Variants in CAMTA1 observed in about 807,000 individuals in gnomAD.
The protein encoded by CAMTA1 is calmodulin-binding transcription activator 1.
In CAMTA1, 27 loss-of-function variants were observed where a neutral mutation model predicts 170.9. The ratio of observed to expected loss-of-function variants is 0.16; its 90% CI spans 0.12 to 0.22. The LOEUF (loss-of-function observed/expected upper bound fraction) is 0.22. Ranked by LOEUF, CAMTA1 falls within the 10% of genes least tolerant of loss-of-function variation. The pLI is 1.00. For synonymous variants in CAMTA1, 833 were observed against 891.5 expected (o/e 0.93, Z 1.17); for missense variants, 1,619 against 2,217.2 (o/e 0.73, Z 5.42).
At chr1:7,489,447 A>G (rs2093669824) in intron 6 of CAMTA1, among the ~76,000 whole-genome samples, 1 of 152,154 alleles carries the variant, frequency 6.6e-6, no homozygotes, top group South Asian at 2.1e-4. Context: ...CATGCAGGGC[A>G]CTGGGGCTCC....
chr1:7,351,915 C>A (rs1189543926), intron 5 of CAMTA1, among the ~76,000 whole-genome samples: 1 of 152,166 alleles, frequency 6.6e-6, no homozygotes, highest in Non-Finnish European at 1.5e-5. Context: ...TGAGAGCACG[C>A]AAGTGAGAAG....
intron 4 of CAMTA1, among the ~76,000 whole-genome samples, chr1:7,209,955 T>G (rs1301126257): frequency 6.6e-6 from 1 of 152,266 alleles, no homozygotes; most frequent in African/African-American, 2.4e-5. Flanking sequence ...TATGTGTGCA[T>G]GCACATGACT....
chr1:6,885,970 G>A (rs1180532375), intron 3 of CAMTA1, among the ~76,000 whole-genome samples: 1 of 152,138 alleles, frequency 6.6e-6, no homozygotes, highest in Admixed American at 6.5e-5. Context: ...CTTACCCTGG[G>A]CACTGCTTCC....
intron 19 of CAMTA1, chr1:7,749,843 T>G: frequency 2.2e-6 from 1 of 455,728 alleles, no homozygotes; most frequent in Non-Finnish European, 4.4e-6. Flanking sequence ...AGTCACAAAC[T>G]TCACACCCAT....
intron 4 of CAMTA1, among the ~76,000 whole-genome samples, chr1:7,105,918 T>TGAC (rs1643532697): frequency 6.7e-6 from 1 of 150,196 alleles, no homozygotes; most frequent in African/African-American, 2.5e-5. Context: ...CCAGCCTGGG[T>TGAC]GACAGAGTGA....
chr1:7,743,971 C>T (rs566742845), intron 16 of CAMTA1, among the ~76,000 whole-genome samples: 3 of 149,742 alleles, frequency 2.0e-5, no homozygotes, highest in African/African-American at 4.9e-5. Context: ...GCACTACAGG[C>T]GCCCGCCACC....
intron 11 of CAMTA1, among the ~76,000 whole-genome samples, chr1:7,723,441 CATAA>C (rs1310035993): frequency 2.6e-5 from 4 of 152,218 alleles, no homozygotes; most frequent in Middle Eastern, 3.4e-3. Context: ...TGACTAAATA[CATAA>C]ATAAATAAGG....
At chr1:6,898,664 G>A (rs1272132317) in intron 3 of CAMTA1, among the ~76,000 whole-genome samples, 1 of 152,228 alleles carries the variant, frequency 6.6e-6, no homozygotes, top group African/African-American at 2.4e-5. Context: ...ATCCTGGGTG[G>A]AGTTGGTGCT....
intron 3 of CAMTA1, among the ~76,000 whole-genome samples, chr1:6,913,207 C>CTG (rs1215051065): frequency 6.6e-5 from 10 of 152,212 alleles, no homozygotes; most frequent in Non-Finnish European, 1.3e-4. Context: ...GGTCCATGCC[C>CTG]TGTCTTTGCT....
At chr1:7,416,175 C>T (rs952797849) in intron 5 of CAMTA1, among the ~76,000 whole-genome samples, 1 of 152,174 alleles carries the variant, frequency 6.6e-6, no homozygotes, top group Non-Finnish European at 1.5e-5. Context: ...CGACCTTTCT[C>T]TCTGGCTGCC....
intron 5 of CAMTA1, among the ~76,000 whole-genome samples, chr1:7,308,051 GGTT>G (rs764018973): frequency 4.0e-4 from 59 of 149,278 alleles, no homozygotes; most frequent in Non-Finnish European, 2.8e-4. Context: ...ACTATTCCAG[GGTT>G]GTTGTTGTTT....
intron 4 of CAMTA1, among the ~76,000 whole-genome samples, chr1:7,213,583 C>G (rs1174852921): frequency 2.0e-5 from 3 of 148,406 alleles, no homozygotes; most frequent in African/African-American, 7.6e-5. Flanking sequence ...CTTCACAGAG[C>G]AAATATTTTT....
In CAMTA1 at chr1:7,344,809, G is replaced by T. The variant is rs192087358; in HGVS notation, c.438+95183G>T. Among the ~76,000 whole-genome samples, 4 of 150,564 alleles carry T rather than the reference G, an allele frequency of 2.7e-5. No individual in the cohort carries two copies. The South Asian group carries it at 8.4e-4, about 32-fold the overall frequency. On this transcript the variant is annotated intron_variant, in intron 5 of 22. Transcript: ENST00000303635. ...GTTGCCCAGGCTGGAGTGCAGTGGC[G>T]TGATCTTGGCTCACTGCAAGCTCTG...
chr1:6,958,695 CCA>C (rs1451839094), intron 3 of CAMTA1, among the ~76,000 whole-genome samples: 2 of 152,200 alleles, frequency 1.3e-5, no homozygotes, highest in Non-Finnish European at 2.9e-5. Flanking sequence ...CCAGCCTAGT[CCA>C]CCACCCCTCT....
Position 7,528,542 on chromosome 1 carries a change from G to T in CAMTA1, c.510+60641G>T, listed in dbSNP as rs78841175. ...GGTTCCTCAGCTCTGAGTCAGGCTGGTATCTGACTTTTGCTGTCAGCGTCT... is the reference window on the plus strand; with the variant it reads ...GGTTCCTCAGCTCTGAGTCAGGCTGTTATCTGACTTTTGCTGTCAGCGTCT... On this transcript the variant is annotated intron_variant, in intron 6 of 22. Transcript: ENST00000303635. 1.0e-3 allele frequency among the ~76,000 whole-genome samples: 155 copies of T among 152,182 alleles called. 4 individuals are homozygous for T. The East Asian group carries it at 0.028, about 28-fold the overall frequency.
intron 4 of CAMTA1, among the ~76,000 whole-genome samples, chr1:7,160,793 C>A (rs893950935): frequency 1.3e-5 from 2 of 152,160 alleles, no homozygotes; most frequent in Non-Finnish European, 2.9e-5. Flanking sequence ...CCCTTGGATT[C>A]CCCACACTGT....
chr1:7,417,089 C>G (rs1297519479), intron 5 of CAMTA1, among the ~76,000 whole-genome samples: 3 of 151,330 alleles, frequency 2.0e-5, no homozygotes, highest in Non-Finnish European at 1.5e-5. Flanking sequence ...TGTAGAACAG[C>G]AGATTTTCGT....
chr1:7,650,410 G>A (rs997382627), intron 7 of CAMTA1, among the ~76,000 whole-genome samples: 1 of 152,180 alleles, frequency 6.6e-6, no homozygotes, highest in African/African-American at 2.4e-5. Flanking sequence ...TGGAGTCACT[G>A]GCCGGGCTGG....
chr1:7,737,883 A>C lies in CAMTA1; in HGVS notation c.3659-76A>C. 11 of 1,438,528 alleles carry C rather than the reference A, an allele frequency of 7.6e-6. No individual in the cohort carries two copies. The South Asian group carries it at 1.5e-4, about 20-fold the overall frequency. 89.1% of individuals were successfully genotyped at this position (1,438,528 alleles called of 1,614,324 possible). On this transcript the variant is annotated intron_variant, in intron 15 of 22. Transcript: ENST00000303635. ...GCTTTGCACTTTGTGTCTCTCAGGCATAGAGAAAGTGTTGATTCTTGAGGA... is the reference window on the plus strand; with the variant it reads ...GCTTTGCACTTTGTGTCTCTCAGGCCTAGAGAAAGTGTTGATTCTTGAGGA...
Sources: allele counts gnomAD v4.1 joint callset (sites outside exome capture counted in the v4.1 genomes callset), GRCh38; gene constraint gnomAD v4.1.1; transcripts MANE v1.5; gene names NCBI Gene and HGNC (gene_info 2026-07-23, HGNC 2026-07-21).